KEL: variants seen among roughly 807,000 people sequenced by gnomAD.
KEL encodes the protein kell blood group glycoprotein.
A neutral mutation model predicts 99.5 loss-of-function variants in KEL; 96 were observed. The ratio of observed to expected loss-of-function variants is 0.97; its 90% CI spans 0.82 to 1.14. The LOEUF (loss-of-function observed/expected upper bound fraction) is 1.14. Among genes scored for constraint, KEL ranks in the 50% most tolerant of loss-of-function variants. The pLI is 0.00. For missense variants in KEL, 926 were observed against 924.2 expected (o/e 1.00, Z -0.03); for synonymous variants, 355 against 354.8 (o/e 1.00, Z -0.01).
chr7:142,958,289 C>T lies in KEL; in HGVS notation c.525+15G>A. Reference sequence around the variant, plus strand: ...GTTATGTATCCAGAAAAGTTAATATCCCAACTTTTCTCACCTCCTCAATAA... The same window carrying T: ...GTTATGTATCCAGAAAAGTTAATATTCCAACTTTTCTCACCTCCTCAATAA... On this transcript the variant is annotated intron_variant, in intron 5 of 18. Coordinates refer to ENST00000355265, the MANE Select transcript of KEL (RefSeq NM_000420.3). 3 of 1,614,090 alleles carry T rather than the reference C, an allele frequency of 1.9e-6. No homozygotes were observed. The highest frequency in any genetic ancestry group is 2.5e-6 in the Non-Finnish European group (3 of 1,180,014).
intron 6 of KEL, 69 bp from the exon 7 acceptor site, chr7:142,954,596 G>A: frequency 1.5e-6 from 2 of 1,346,006 alleles, no homozygotes; most frequent in Non-Finnish European, 2.1e-6. Context: ...TGGGGAGGTG[G>A]GGAATATACC....
Position 142,943,869 on chromosome 7 carries a change from C to G in KEL, c.1506G>C (p.Ser502=). 3.1e-6 allele frequency: 5 copies of G among 1,613,994 alleles called. No homozygotes were observed. The highest frequency in any genetic ancestry group is 4.2e-6 in the Non-Finnish European group (5 of 1,179,960). ...AGCTCAGGACAGACTGCAGGAAGCT[C>G]GATCCAAGCTGTATCTGGGGAAGAG... ...RQEYNDIQLG[S]SFLQSVLSCV... The change falls in exon 14 of 19, where the codon TCG becomes TCC. Residue 502 remains serine, a synonymous_variant. Transcript: ENST00000355265.
At position 142,941,155 on chromosome 7, in the gene KEL, G is replaced by T; in HGVS notation, c.*97C>A. 7.2e-7 allele frequency: 1 copy of T among 1,391,280 alleles called. No individual in the cohort carries two copies. The highest frequency in any genetic ancestry group is 1.0e-6 in the Non-Finnish European group (1 of 982,552). 86.2% of individuals were successfully genotyped at this position (1,391,280 alleles called of 1,614,324 possible). Reference sequence around the variant, plus strand: ...AGCCAAGTGCCAGCTTTTATTTTTGGAACAGAAGCAGAAAGGAAATCTTGC... The same window carrying T: ...AGCCAAGTGCCAGCTTTTATTTTTGTAACAGAAGCAGAAAGGAAATCTTGC... On this transcript the variant is annotated 3_prime_UTR_variant, in exon 19 of 19. Transcript: ENST00000355265.
intron 5 of KEL, 107 bp downstream of exon 5, chr7:142,958,197 G>T: frequency 1.3e-6 from 2 of 1,515,418 alleles, no homozygotes; most frequent in South Asian, 2.3e-5. Context: ...AAATTGGGGG[G>T]CCCTAGGAAG....
chr7:142,960,512 G>A (rs1208425430), intron 4 of KEL, among the ~76,000 whole-genome samples: 1 of 152,212 alleles, frequency 6.6e-6, no homozygotes, highest in Non-Finnish European at 1.5e-5. Context: ...CTGAAGAGAT[G>A]CTTGTGGAGG....
Position 142,954,285 on chromosome 7 carries a change from A to C in KEL, c.823T>G (p.Ser275Ala). The C allele has an allele frequency of 6.2e-7, 1 of 1,614,080 alleles. No individual in the cohort carries two copies. Among genetic ancestry groups the C allele is most frequent in the Non-Finnish European group, 8.5e-7 (1 of 1,179,978 alleles). The change falls in exon 8 of 19, where the codon TCA becomes GCA. Residue 275 changes from serine (S) to alanine (A), a missense_variant. Physicochemically the swap from Ser to Ala is moderately conservative, Grantham distance 99 (BLOSUM62 1). Transcript: ENST00000355265. ...AACAGCCGTGAAGTGATGGAGATTGACAAGGAAGAGTGTTCTTGCACCTTG... is the reference window on the plus strand; with the variant it reads ...AACAGCCGTGAAGTGATGGAGATTGCCAAGGAAGAGTGTTCTTGCACCTTG... ...PSKVQEHSSL[S>A]ISITSRLFQF...
Position 142,941,411 on chromosome 7 carries a change from C to G in KEL, c.2040G>C (p.Val680=). Residue 680 remains valine (V), a splice_region_variant and synonymous_variant, in exon 19 of 19, where the codon GTG becomes GTC. Transcript: ENST00000355265. ...CCTGGGGGCTGGGCTTCCTACACAT[C>G]ACCTGAGCAGGAAGAGAGGTCATTG... ...QQIFFRSYAQ[V]MCRKPSPQDS... is the part of the protein sequence containing the mutation. 1 of 1,594,104 alleles carries G rather than the reference C, an allele frequency of 6.3e-7. No homozygotes were observed. The highest frequency in any genetic ancestry group is 8.6e-7 in the Non-Finnish European group (1 of 1,167,212).
chr7:142,958,536 T>C lies in KEL; in HGVS notation c.401-108A>G. ...TCATGCCCTATATCATAAGTTCTCATCAGATGGGTTTTATTTAACCCATGT... is the reference window on the plus strand; with the variant it reads ...TCATGCCCTATATCATAAGTTCTCACCAGATGGGTTTTATTTAACCCATGT... On this transcript the variant is annotated intron_variant, in intron 4 of 18. Coordinates refer to ENST00000355265, the MANE Select transcript of KEL (RefSeq NM_000420.3). 5 of 1,004,276 alleles carry C rather than the reference T, an allele frequency of 5.0e-6. No homozygotes were observed. In the South Asian group the frequency reaches 6.8e-5, roughly 14 times the overall value. The allele number at this position is 1,004,276 out of a possible 1,614,324, so 62.2% of individuals were successfully genotyped here. A position where few individuals can be genotyped will look rare whatever the true frequency, so the allele number is the denominator to read the frequency against.
At chr7:142,942,366 A>G (rs1396699945) in intron 18 of KEL, 68 bp downstream of exon 18, 3 of 1,088,830 alleles carry the variant, frequency 2.8e-6, no homozygotes, top group Non-Finnish European at 4.1e-6. Flanking sequence ...GGGGACTTCC[A>G]TGAGCTTCAG....
chr7:142,943,255 C>T (rs780395823), intron 16 of KEL, 21 bp downstream of exon 16: 2 of 1,612,726 alleles, frequency 1.2e-6, no homozygotes, highest in South Asian at 2.2e-5. Flanking sequence ...ATCCCACCTC[C>T]CAGTGGCCCC....
At chr7:142,961,898 G>A in intron 1 of KEL, 26 bp from the exon 2 acceptor site, 1 of 1,612,110 alleles carries the variant, frequency 6.2e-7, no homozygotes, top group Non-Finnish European at 8.5e-7. Context: ...GGAGAAGGAG[G>A]AGAGAGAAGC....
chr7:142,948,183 C>T (rs1374286597), intron 10 of KEL, among the ~76,000 whole-genome samples: 1 of 152,070 alleles, frequency 6.6e-6, no homozygotes, highest in Non-Finnish European at 1.5e-5. Context: ...ATAATACAAT[C>T]GCCACCTCAG....
At position 142,942,179 on chromosome 7, in the gene KEL, T is replaced by C. The variant is rs566174304; in HGVS notation, c.2037+255A>G. 3.5e-4 allele frequency: 198 copies of C among 565,102 alleles called. 1 individual carries two copies. In the South Asian group the frequency reaches 4.3e-3, roughly 12 times the overall value. 35.0% of individuals were successfully genotyped at this position (565,102 alleles called of 1,614,324 possible). ...AAAAAAAGTTGGTCTCCTCCTCTCC[T>C]GGAGGAACTTGGGAATAGAGTTTTT... is the stretch of plus-strand genomic sequence containing the variant. On this transcript the variant is annotated intron_variant, in intron 18 of 18. Transcript: ENST00000355265.
At chr7:142,958,722 TA>T (rs1324407634) in intron 4 of KEL, among the ~76,000 whole-genome samples, 1 of 152,234 alleles carries the variant, frequency 6.6e-6, no homozygotes, top group Non-Finnish European at 1.5e-5. Flanking sequence ...GCATCTCTAT[TA>T]GCTATTAACA....
At chr7:142,946,432 G>C in intron 10 of KEL, 115 bp from the exon 11 acceptor site, 6 of 827,484 alleles carry the variant, frequency 7.3e-6, no homozygotes, top group Non-Finnish European at 1.2e-5. Context: ...TGGACTTTCT[G>C]GGTTTCATCT....
In KEL at chr7:142,960,953, G is replaced by C; in HGVS notation, c.375C>G (p.Asn125Lys). Residue 125 changes from asparagine (N) to lysine (K), a missense_variant, in exon 4 of 19, where the codon AAC becomes AAG. Physicochemically the swap from Asn to Lys is moderately conservative, Grantham distance 94 (BLOSUM62 0). Transcript: ENST00000355265. ...CCAGTATTCTCCGAAGTCGGTTTTT[G>C]TTCTTTGTGGCAAGCTCCTGAAAAG... is the stretch of plus-strand genomic sequence containing the variant. ...NNSFQELATKNKNRLRRILEV... is the reference protein window; with the variant it reads ...NNSFQELATKKKNRLRRILEV... 6.2e-7 allele frequency: 1 copy of C among 1,614,218 alleles called. No individual in the cohort carries two copies. Among genetic ancestry groups the C allele is most frequent in the Non-Finnish European group, 8.5e-7 (1 of 1,180,032 alleles).
At chr7:142,951,079 T>A (rs1329157955) in intron 10 of KEL, among the ~76,000 whole-genome samples, 1 of 152,238 alleles carries the variant, frequency 6.6e-6, no homozygotes, top group Non-Finnish European at 1.5e-5. Flanking sequence ...TTTATACTAT[T>A]GTTCCAGAAA....
chr7:142,942,606 A>G (rs1796390628), intron 17 of KEL, 77 bp from the exon 18 acceptor site: 1 of 1,112,906 alleles, frequency 9.0e-7, no homozygotes, highest in African/African-American at 1.5e-5. Context: ...CACAGTACCC[A>G]AAACCCATGG....
chr7:142,956,807 C>A (rs1207670156), intron 6 of KEL, among the ~76,000 whole-genome samples: 1 of 152,204 alleles, frequency 6.6e-6, no homozygotes, highest in Admixed American at 6.5e-5. Context: ...CTGTTTAAAA[C>A]TAAATTTTAG....
Sources: gnomAD v4.1 joint callset for allele counts (sites outside exome capture counted in the v4.1 genomes callset) on GRCh38, gnomAD v4.1.1 for gene constraint, MANE v1.5 for transcripts, NCBI Gene and HGNC (gene_info 2026-07-23, HGNC 2026-07-21) for gene names.